The following FAM3D variants were observed in gnomAD, a reference collection of about 807,000 sequenced individuals.
FAM3D encodes the protein FAM3 metabolism regulating signaling molecule D, also known as protein FAM3D.
Under a neutral mutation model 29.8 loss-of-function variants are expected in FAM3D, and 26 were observed. That is an observed-to-expected ratio of 0.87 (90% confidence interval 0.64 to 1.21). FAM3D has a LOEUF of 1.21. Ranked by LOEUF, FAM3D falls within the 50% of genes most tolerant of loss-of-function variation. The pLI is 0.00. For synonymous variants in FAM3D, 115 were observed against 102.3 expected (o/e 1.12, Z -0.75); for missense variants, 253 against 290.9 (o/e 0.87, Z 0.95).
At chr3:58,648,430 T>A (rs1003434335) in intron 4 of FAM3D, among the ~76,000 whole-genome samples, 3 of 151,630 alleles carry the variant, frequency 2.0e-5, no homozygotes, top group South Asian at 4.2e-4. Context: ...GTTGAGGGGG[T>A]GGGCTCTGGA....
At chr3:58,644,640 C>T (rs965230504) in intron 5 of FAM3D, among the ~76,000 whole-genome samples, 6 of 152,186 alleles carry the variant, frequency 3.9e-5, no homozygotes, top group African/African-American at 1.2e-4. Context: ...CAATGAAATA[C>T]AGGCTTGGGA....
intron 3 of FAM3D, among the ~76,000 whole-genome samples, chr3:58,652,971 T>C (rs1360490403): frequency 1.2e-5 from 1 of 84,160 alleles, no homozygotes; most frequent in Non-Finnish European, 3.0e-5. Context: ...TATCCATCCA[T>C]CCATCCGTTT....
At position 58,635,131 on chromosome 3, in the gene FAM3D, T is replaced by C. The variant is rs188897121; in HGVS notation, c.586-763A>G. ...TCGAGGCTGCAGTGAGCCGAGATTGTGCCACTGCACTCCAGCCTAGGTGAC... is the reference window on the plus strand; with the variant it reads ...TCGAGGCTGCAGTGAGCCGAGATTGCGCCACTGCACTCCAGCCTAGGTGAC... On this transcript the variant is annotated intron_variant, in intron 9 of 9. Transcript: ENST00000358781. The surrounding 1 kb of genome is among the most constrained non-coding windows in gnomAD (Gnocchi z 5.2). Among the ~76,000 whole-genome samples the C allele has an allele frequency of 6.6e-6, 1 of 152,292 alleles. No homozygotes were observed. The highest frequency in any genetic ancestry group is 2.4e-5 in the African/African-American group (1 of 41,570).
At position 58,635,333 on chromosome 3, in the gene FAM3D, T is replaced by C. The variant is rs1316671780; in HGVS notation, c.585+961A>G. ...TGACTCTCAGGAATTAAAAAAGAGA[T>C]TCTAGATGCTACCTGCCTAAAACCC... On this transcript the variant is annotated intron_variant, in intron 9 of 9. Transcript: ENST00000358781. The surrounding 1 kb of genome is among the most constrained non-coding windows in gnomAD (Gnocchi z 5.2). 6.6e-6 allele frequency among the ~76,000 whole-genome samples: 1 copy of C among 152,140 alleles called. No individual in the cohort carries two copies. Among genetic ancestry groups the C allele is most frequent in the Non-Finnish European group, 1.5e-5 (1 of 68,022 alleles).
intron 1 of FAM3D, among the ~76,000 whole-genome samples, chr3:58,661,379 C>CG (rs2106952734): frequency 6.6e-6 from 1 of 152,304 alleles, no homozygotes; most frequent in African/African-American, 2.4e-5. Context: ...GTACCCTCCT[C>CG]GGGGGGTGGC....
chr3:58,642,786 C>G (rs146135757), intron 6 of FAM3D, among the ~76,000 whole-genome samples: 19 of 152,300 alleles, frequency 1.2e-4, no homozygotes, highest in African/African-American at 4.6e-4. Flanking sequence ...CATGCCTGGC[C>G]CCTCACACAC....
At chr3:58,645,984 T>G (rs1267610768) in intron 4 of FAM3D, among the ~76,000 whole-genome samples, 1 of 152,088 alleles carries the variant, frequency 6.6e-6, no homozygotes, top group Non-Finnish European at 1.5e-5. Flanking sequence ...GCCTTCTGAG[T>G]CCCCAGAGGC....
intron 7 of FAM3D, 64 bp from the exon 8 acceptor site, chr3:58,637,289 T>G: frequency 6.9e-7 from 1 of 1,440,650 alleles, no homozygotes; most frequent in Non-Finnish European, 9.6e-7. Context: ...TTCTCATGCT[T>G]GTCTACTGCC....
chr3:58,662,095 AGAGCTGGGTGT>A (rs1230187092), intron 1 of FAM3D, among the ~76,000 whole-genome samples: 5 of 152,174 alleles, frequency 3.3e-5, no homozygotes, highest in African/African-American at 1.2e-4. Flanking sequence ...CTCTTTGCTG[AGAGCTGGGTGT>A]GTTTTCCCCA....
intron 2 of FAM3D, among the ~76,000 whole-genome samples, chr3:58,654,485 A>G (rs2066733064): frequency 6.6e-6 from 1 of 152,188 alleles, no homozygotes. Flanking sequence ...CCTCATGGCC[A>G]GATTGCTTTC....
chr3:58,636,360 C>G lies in FAM3D; in HGVS notation c.519G>C (p.Leu173=). The G allele has an allele frequency of 6.2e-7, 1 of 1,614,192 alleles. No individual in the cohort carries two copies. The highest frequency in any genetic ancestry group is 8.5e-7 in the Non-Finnish European group (1 of 1,180,038). The change falls in exon 9 of 10, where the codon CTG becomes CTC. Residue 173 remains leucine (L), a synonymous_variant. Coordinates refer to ENST00000358781, the MANE Select transcript of FAM3D (RefSeq NM_138805.3). The part of the protein sequence containing the change: ...SDLGSSYAKQ[L]GFRDSWVFIG... ...TGAAGACCCAGCTGTCCCGGAAGCC[C>G]AGTTGTTTTGCGTAGGAACTCCCCA...
chr3:58,634,117 G>T lies in FAM3D; in HGVS notation c.*162C>A, dbSNP rs572816208. 10 of 606,484 alleles carry T rather than the reference G, an allele frequency of 1.6e-5. No homozygotes were observed. In the South Asian group the frequency reaches 2.0e-4, roughly 12 times the overall value. 37.6% of individuals were successfully genotyped at this position (606,484 alleles called of 1,614,324 possible). ...TCCGGGTAGGATGTGCTGTGGGAGG[G>T]TTCTGTTTCCGAGGAGGAGAGGCGC... On this transcript the variant is annotated 3_prime_UTR_variant, in exon 10 of 10. Transcript: ENST00000358781. This position sits in a 1 kb window ranked among gnomAD's most constrained non-coding sequence, Gnocchi z 4.6.
intron 8 of FAM3D, 78 bp from the exon 9 acceptor site, chr3:58,636,498 A>T: frequency 1.9e-6 from 3 of 1,572,372 alleles, no homozygotes; most frequent in Non-Finnish European, 2.6e-6. Flanking sequence ...CCCATGGGGC[A>T]AGGTTCCCAC....
intron 1 of FAM3D, among the ~76,000 whole-genome samples, chr3:58,656,488 AG>A (rs1194080163): frequency 6.6e-6 from 1 of 151,798 alleles, no homozygotes; most frequent in African/African-American, 2.4e-5. Flanking sequence ...TGAGCAGGGC[AG>A]GGTCATCTTT....
Position 58,635,484 on chromosome 3 carries a change from C to T in FAM3D, c.585+810G>A, listed in dbSNP as rs2066137440. On this transcript the variant is annotated intron_variant, in intron 9 of 9. Transcript: ENST00000358781. This position sits in a 1 kb window ranked among gnomAD's most constrained non-coding sequence, Gnocchi z 5.2. ...TGAAGATGATGCTGGGCTTCCTGTA[C>T]TCCCACGCCTCCTCTGTCTTGCCGG... 1.3e-5 allele frequency among the ~76,000 whole-genome samples: 2 copies of T among 152,156 alleles called. No individual in the cohort carries two copies. The highest frequency in any genetic ancestry group is 2.1e-4 in the South Asian group (1 of 4,830).
intron 1 of FAM3D, among the ~76,000 whole-genome samples, chr3:58,658,889 T>TG (rs1409046078): frequency 6.6e-6 from 1 of 152,156 alleles, no homozygotes. Context: ...ATCCCTCCTG[T>TG]GGTAGACGTG....
Position 58,634,004 on chromosome 3 carries a change from T to C in FAM3D, c.*275A>G, listed in dbSNP as rs1342285515. 1 of 440,070 alleles carries C rather than the reference T, an allele frequency of 2.3e-6. No individual in the cohort carries two copies. The highest frequency in any genetic ancestry group is 4.0e-6 in the Non-Finnish European group (1 of 247,874). The allele number at this position is 440,070 out of a possible 1,614,324, so 27.3% of individuals were successfully genotyped here. A position where few individuals can be genotyped will look rare whatever the true frequency, so the allele number is the denominator to read the frequency against. On this transcript the variant is annotated 3_prime_UTR_variant, in exon 10 of 10. Coordinates refer to ENST00000358781, the MANE Select transcript of FAM3D (RefSeq NM_138805.3). The surrounding 1 kb of genome is among the most constrained non-coding windows in gnomAD (Gnocchi z 4.6). ...TCAAGTCTGGGCAGTTTGTCCTTCC[T>C]CAGGACCAGCCGTCAGCAGTCCCTG...
chr3:58,655,171 T>C (rs1278369628), intron 2 of FAM3D, among the ~76,000 whole-genome samples: 1 of 152,224 alleles, frequency 6.6e-6, no homozygotes. Flanking sequence ...TTTCCCTATC[T>C]GTACAAAGGG....
intron 4 of FAM3D, among the ~76,000 whole-genome samples, chr3:58,647,748 T>G (rs986401605): frequency 7.2e-5 from 11 of 152,208 alleles, no homozygotes; most frequent in African/African-American, 2.2e-4. Context: ...TCCCATCAGC[T>G]GCCTCAATCC....
Sources: gnomAD v4.1 joint callset for allele counts (sites outside exome capture counted in the v4.1 genomes callset) on GRCh38, gnomAD v4.1.1 for gene constraint, Gnocchi (gnomAD v3.1) non-coding constraint, MANE v1.5 for transcripts, NCBI Gene and HGNC (gene_info 2026-07-23, HGNC 2026-07-21) for gene names.